Variants in PDHX observed in about 807,000 individuals in gnomAD.
PDHX encodes the protein pyruvate dehydrogenase complex component X.
In PDHX, 33 loss-of-function variants were observed where a neutral mutation model predicts 55.3. The ratio of observed to expected loss-of-function variants is 0.60; its 90% CI spans 0.45 to 0.80. The LOEUF is 0.80. Ranked by LOEUF, PDHX falls within the 30% of genes least tolerant of loss-of-function variation. The probability of loss-of-function intolerance (pLI) is 0.00; values close to 1 mark genes in which losing one functional copy is unlikely to be tolerated. For missense variants in PDHX, 622 were observed against 619.9 expected (o/e 1.00, Z -0.04); for synonymous variants, 226 against 219.4 (o/e 1.03, Z -0.27).
chr11:34,980,262 AT>A (rs1041443166), intron 8 of PDHX, among the ~76,000 whole-genome samples: 6 of 128,270 alleles, frequency 4.7e-5, no homozygotes, highest in Admixed American at 4.6e-4. Context: ...TTTGTTATGT[AT>A]TTTTTCCTTC....
At chr11:34,935,812 A>G (rs989951038) in intron 2 of PDHX, among the ~76,000 whole-genome samples, 9 of 152,198 alleles carry the variant, frequency 5.9e-5, no homozygotes, top group Non-Finnish European at 1.2e-4. Flanking sequence ...AATGAATAAC[A>G]TGGTCTGGGG....
At chr11:34,944,331 G>A (rs1854571060) in intron 2 of PDHX, among the ~76,000 whole-genome samples, 1 of 151,924 alleles carries the variant, frequency 6.6e-6, no homozygotes, top group African/African-American at 2.4e-5. Context: ...TGTTGGCCAG[G>A]CTGGTCTTGA....
chr11:34,951,276 G>A (rs1460771539), intron 3 of PDHX, among the ~76,000 whole-genome samples: 3 of 151,784 alleles, frequency 2.0e-5, no homozygotes, highest in Non-Finnish European at 4.4e-5. Flanking sequence ...AGCCAGGATG[G>A]TCTCGATCTC....
At chr11:34,937,793 C>T (rs915955768) in intron 2 of PDHX, among the ~76,000 whole-genome samples, 1 of 152,132 alleles carries the variant, frequency 6.6e-6, no homozygotes, top group African/African-American at 2.4e-5. Context: ...GTGAAGTTGT[C>T]CTGGGCTGAT....
intron 3 of PDHX, among the ~76,000 whole-genome samples, chr11:34,953,175 C>T (rs1055423472): frequency 1.3e-5 from 2 of 152,188 alleles, no homozygotes; most frequent in Non-Finnish European, 2.9e-5. Context: ...CAAACCACTG[C>T]TCAATGAAAT....
chr11:34,940,538 A>G (rs746085415), intron 2 of PDHX, among the ~76,000 whole-genome samples: 24 of 152,150 alleles, frequency 1.6e-4, no homozygotes, highest in Non-Finnish European at 3.2e-4. Flanking sequence ...TTTTTGGTGT[A>G]CTATGGTTTT....
At chr11:34,964,795 C>G (rs1013193303) in intron 5 of PDHX, among the ~76,000 whole-genome samples, 2 of 27,424 alleles carry the variant, frequency 7.3e-5, no homozygotes, top group African/African-American at 1.4e-4. Flanking sequence ...CTAATATTAG[C>G]TATTAGCATA....
At position 34,988,558 on chromosome 11, in the gene PDHX, CAA is replaced by C. The variant is rs201687707; in HGVS notation, c.1183-3742_1183-3741del. Among the ~76,000 whole-genome samples the C allele has an allele frequency of 4.9e-3, 686 of 140,542 alleles. 5 individuals are homozygous for C. Among genetic ancestry groups the C allele is most frequent in the African/African-American group, 0.016 (607 of 38,000 alleles). 92.2% of individuals were successfully genotyped at this position (140,542 alleles called of 152,430 possible). On this transcript the variant is annotated intron_variant, in intron 9 of 10. Coordinates refer to ENST00000227868, the MANE Select transcript of PDHX (RefSeq NM_003477.3). Reference sequence around the variant, plus strand: ...TTCTAGAATCAGTAATGTTTTCTGTCAAAAAAAAAAAAAAAAGAAACTTGAGA... The same window carrying C: ...TTCTAGAATCAGTAATGTTTTCTGTCAAAAAAAAAAAAAAGAAACTTGAGA...
At chr11:34,966,518 A>G (rs1855133492) in intron 5 of PDHX, 122 bp from the exon 6 acceptor site, 2 of 923,740 alleles carry the variant, frequency 2.2e-6, no homozygotes, top group African/African-American at 3.3e-5. Context: ...ACTGGTTTTT[A>G]ATTATAACCT....
intron 3 of PDHX, among the ~76,000 whole-genome samples, chr11:34,948,022 G>A (rs897495843): frequency 2.0e-5 from 3 of 152,108 alleles, no homozygotes; most frequent in Admixed American, 6.5e-5. Flanking sequence ...GAATCACCCC[G>A]CTGACTGATT....
intron 2 of PDHX, among the ~76,000 whole-genome samples, chr11:34,931,812 TTGTG>T (rs35425265): frequency 0.33 from 48,686 of 145,852 alleles, 8,299 homozygotes; most frequent in East Asian, 0.7. Flanking sequence ...TTTATCATGA[TTGTG>T]TGTGTGTGTG....
At chr11:34,940,320 C>T (rs1854444127) in intron 2 of PDHX, among the ~76,000 whole-genome samples, 1 of 152,034 alleles carries the variant, frequency 6.6e-6, no homozygotes, top group Non-Finnish European at 1.5e-5. Context: ...TAGTTTTTGT[C>T]TAATATACTG....
chr11:34,947,568 T>C lies in PDHX; in HGVS notation c.304T>C (p.Leu102=). ...TGAGACTGACAAAGCTGTGGTTACC[T>C]TAGATGCAAGTGATGATGGAATCTT... is the stretch of plus-strand genomic sequence containing the variant. ...EIETDKAVVT[L]DASDDGILAK... is the part of the protein sequence containing the mutation. The change falls in exon 3 of 11, where the codon TTA becomes CTA. Residue 102 remains leucine, a synonymous_variant. Coordinates refer to ENST00000227868, the MANE Select transcript of PDHX (RefSeq NM_003477.3). 5.0e-6 allele frequency: 8 copies of C among 1,613,082 alleles called. No homozygotes were observed. Among genetic ancestry groups the C allele is most frequent in the South Asian group, 1.1e-5 (1 of 91,070 alleles).
chr11:34,930,568 T>C (rs2956098), intron 1 of PDHX, among the ~76,000 whole-genome samples: 120,264 of 152,186 alleles, frequency 0.79, 47,680 homozygotes, highest in East Asian at 0.83. Flanking sequence ...TGGAAAGCTA[T>C]AGGGGATGGA....
At chr11:34,981,081 G>T (rs1855500850) in intron 8 of PDHX, among the ~76,000 whole-genome samples, 1 of 151,968 alleles carries the variant, frequency 6.6e-6, no homozygotes, top group African/African-American at 2.4e-5. Flanking sequence ...CATGTGCCGT[G>T]TTGGTGTGCT....
At chr11:34,975,763 A>G (rs1433355549) in intron 7 of PDHX, among the ~76,000 whole-genome samples, 1 of 152,088 alleles carries the variant, frequency 6.6e-6, no homozygotes, top group African/African-American at 2.4e-5. Context: ...TCCGCTCCCT[A>G]ATGAGCTCAA....
intron 2 of PDHX, among the ~76,000 whole-genome samples, chr11:34,936,933 C>T (rs989668289): frequency 2.0e-5 from 3 of 151,608 alleles, no homozygotes; most frequent in Non-Finnish European, 4.4e-5. Flanking sequence ...GGACTACAGG[C>T]GAGCACCACC....
At chr11:34,932,360 C>T (rs1201487225) in intron 2 of PDHX, among the ~76,000 whole-genome samples, 1 of 152,056 alleles carries the variant, frequency 6.6e-6, no homozygotes, top group Non-Finnish European at 1.5e-5. Flanking sequence ...CGATTTCTAT[C>T]ACAAAGGGTT....
At position 34,916,679 on chromosome 11, in the gene PDHX, C is replaced by A. The variant is rs958383156; in HGVS notation, c.24C>A (p.Gly8=). Residue 8 remains glycine, a synonymous_variant, in exon 1 of 11, where the codon GGC becomes GGA. Transcript: ENST00000227868. MAASWRL[G]CDPRLLRYLV... ...AGATGGCGGCCTCCTGGAGGCTGGGCTGTGATCCGCGGCTGCTGCGTTATC... is the reference window on the plus strand; with the variant it reads ...AGATGGCGGCCTCCTGGAGGCTGGGATGTGATCCGCGGCTGCTGCGTTATC... 1 of 1,611,360 alleles carries A rather than the reference C, an allele frequency of 6.2e-7. No homozygotes were observed. The highest frequency in any genetic ancestry group is 8.5e-7 in the Non-Finnish European group (1 of 1,179,982).
Sources: allele counts gnomAD v4.1 joint callset (sites outside exome capture counted in the v4.1 genomes callset), GRCh38; gene constraint gnomAD v4.1.1; transcripts MANE v1.5; gene names NCBI Gene and HGNC (gene_info 2026-07-23, HGNC 2026-07-21).